Variants in SKIC3 observed in about 807,000 individuals in gnomAD.
SKIC3 encodes the protein SKI3 subunit of superkiller complex.
At chr5:95,522,229 T>G in the SKIC3 span, 1 of 1,613,894 alleles carries the variant, frequency 6.2e-7, no homozygotes, top group Admixed American at 1.7e-5. Flanking sequence ...TTGTGTAGCC[T>G]CCTCTGCTTA....
chr5:95,549,561 A>G, the SKIC3 span, among the ~76,000 whole-genome samples: 17 of 151,922 alleles, frequency 1.1e-4, no homozygotes, highest in African/African-American at 3.9e-4. Flanking sequence ...GCTACAATGG[A>G]ACCCTCTATT....
chr5:95,470,691 C>T, the SKIC3 span, among the ~76,000 whole-genome samples: 2 of 151,968 alleles, frequency 1.3e-5, no homozygotes, highest in Admixed American at 1.3e-4. Flanking sequence ...GGTATTAAAT[C>T]AAAGTAATCA....
chr5:95,524,907 C>T, the SKIC3 span, among the ~76,000 whole-genome samples: 1 of 151,228 alleles, frequency 6.6e-6, no homozygotes, highest in African/African-American at 2.4e-5. Flanking sequence ...TTTTTGAGTC[C>T]GAGTCTTGCT....
the SKIC3 span, chr5:95,525,359 AG>A: frequency 5.7e-6 from 9 of 1,565,732 alleles, no homozygotes; most frequent in Non-Finnish European, 7.9e-6. Flanking sequence ...TAAAGAACTA[AG>A]ATGTAAATGG....
the SKIC3 span, among the ~76,000 whole-genome samples, chr5:95,477,451 T>G: frequency 6.6e-6 from 1 of 152,316 alleles, no homozygotes; most frequent in South Asian, 2.1e-4. Flanking sequence ...CAAGAGTTAC[T>G]TTAGGGCTGT....
At chr5:95,528,243 T>TA in the SKIC3 span, 12 of 1,493,562 alleles carry the variant, frequency 8.0e-6, no homozygotes, top group South Asian at 1.4e-4. Flanking sequence ...AAATTGCAGA[T>TA]ACAATAAGCA....
chr5:95,517,244 T>C, the SKIC3 span: 4 of 1,613,344 alleles, frequency 2.5e-6, no homozygotes, highest in Non-Finnish European at 3.4e-6. Flanking sequence ...CTTTAGATGG[T>C]GCGACAGCAT....
the SKIC3 span, among the ~76,000 whole-genome samples, chr5:95,550,059 T>A: frequency 1.3e-5 from 2 of 152,022 alleles, no homozygotes; most frequent in East Asian, 3.9e-4. Flanking sequence ...CTCCTCCCAC[T>A]ATTCTCCTCA....
the SKIC3 span, among the ~76,000 whole-genome samples, chr5:95,545,231 T>G: frequency 6.6e-6 from 1 of 152,124 alleles, no homozygotes; most frequent in African/African-American, 2.4e-5. Context: ...CCTTCTTGTA[T>G]TCCATCCACA....
chr5:95,500,208 G>A, the SKIC3 span, among the ~76,000 whole-genome samples: 1 of 152,092 alleles, frequency 6.6e-6, no homozygotes, highest in South Asian at 2.1e-4. Flanking sequence ...GTTGTACCAG[G>A]AATCACAAGT....
the SKIC3 span, among the ~76,000 whole-genome samples, chr5:95,553,562 T>G: frequency 0.071 from 10,715 of 151,966 alleles, 435 homozygotes; most frequent in South Asian, 0.14. Flanking sequence ...GGTTTTTTTG[T>G]TTTTGTTTTT....
At chr5:95,530,213 C>T in the SKIC3 span, 1 of 1,613,380 alleles carries the variant, frequency 6.2e-7, no homozygotes, top group Non-Finnish European at 8.5e-7. Context: ...ACTGCTGCCC[C>T]TCATCAGTAA....
chr5:95,550,025 A>G, the SKIC3 span, among the ~76,000 whole-genome samples: 1 of 151,964 alleles, frequency 6.6e-6, no homozygotes, highest in African/African-American at 2.4e-5. Flanking sequence ...ATAACTCCCT[A>G]TTAATTCTTT....
At chr5:95,478,705 G>C in the SKIC3 span, among the ~76,000 whole-genome samples, 5,466 of 152,134 alleles carry the variant, frequency 0.036, 154 homozygotes, top group South Asian at 0.053. Context: ...CTTATTCTAA[G>C]AATGCAAAGT....
chr5:95,553,965 A>G, the SKIC3 span, among the ~76,000 whole-genome samples: 1 of 152,250 alleles, frequency 6.6e-6, no homozygotes, highest in African/African-American at 2.4e-5. Flanking sequence ...TTAGTGAGTT[A>G]CGGCACAGAC....
the SKIC3 span, chr5:95,541,993 T>C: frequency 2.5e-6 from 2 of 805,314 alleles, no homozygotes; most frequent in Admixed American, 2.2e-5. Flanking sequence ...AATATGATAA[T>C]CTATAAAGAT....
the SKIC3 span, among the ~76,000 whole-genome samples, chr5:95,545,635 A>G: frequency 6.6e-6 from 1 of 152,104 alleles, no homozygotes; most frequent in African/African-American, 2.4e-5. Flanking sequence ...GAAGGTGAGA[A>G]ACTGCTTCTT....
the SKIC3 span, chr5:95,482,562 G>C: frequency 6.2e-7 from 1 of 1,614,040 alleles, no homozygotes; most frequent in Non-Finnish European, 8.5e-7. Context: ...TGTGACTCCA[G>C]GAGTGGTTTA....
chr5:95,485,070 G>A, the SKIC3 span, among the ~76,000 whole-genome samples: 1 of 152,108 alleles, frequency 6.6e-6, no homozygotes, highest in Non-Finnish European at 1.5e-5. Flanking sequence ...TCATATAATT[G>A]TGACTTCTAA....
Sources: allele counts gnomAD v4.1 joint callset (sites outside exome capture counted in the v4.1 genomes callset), GRCh38; gene constraint gnomAD v4.1.1; transcripts MANE v1.5; gene names NCBI Gene and HGNC (gene_info 2026-07-23, HGNC 2026-07-21).